CALHM3: variants seen among roughly 807,000 people sequenced by gnomAD.
The protein encoded by CALHM3 is calcium homeostasis modulator protein 3.
A neutral mutation model predicts 13.6 loss-of-function variants in CALHM3; 9 were observed. The ratio of observed to expected loss-of-function variants is 0.66; its 90% confidence interval spans 0.40 to 1.15. The LOEUF is 1.15. Ranked by LOEUF, CALHM3 falls within the 50% of genes most tolerant of loss-of-function variation. CALHM3 has a pLI of 0.01. For synonymous variants in CALHM3, 231 were observed against 213.2 expected, an observed-to-expected ratio of 1.08 and a Z score of -0.73; for missense variants, 497 against 463.4, an observed-to-expected ratio of 1.07 and a Z score of -0.67.
rs1032280257 is a variant in CALHM3 at position 103,473,577 on chromosome 10, T to G, written c.671A>C (p.Gln224Pro). 19 of 1,551,394 alleles carry G rather than the reference T, an allele frequency of 1.2e-5. No homozygotes were observed. Among genetic ancestry groups the G allele is most frequent in the Non-Finnish European group, 1.6e-5 (18 of 1,147,032 alleles). Reference protein sequence around the residue: ...RYWSNYVDLEQKLFDETCCEH... With the variant: ...RYWSNYVDLEPKLFDETCCEH... ...ACAGCAGGTCTCGTCGAAGAGCTTC[T>G]GCTCCAGGTCCACGTAGTTGCTCCA... Residue 224 changes from glutamine (Q) to proline (P), a missense_variant, in exon 3 of 3, where the codon CAG (glutamine) becomes CCG (proline). Transcript: ENST00000369783.
chr10:103,476,476 C>T lies in CALHM3; in HGVS notation c.361G>A (p.Gly121Arg), dbSNP rs776368667. The T allele has an allele frequency of 7.1e-6, 11 of 1,551,498 alleles. No individual in the cohort carries two copies. The East Asian group carries it at 7.3e-5, about 10-fold the overall frequency. Residue 121 changes from glycine to arginine, a missense_variant, in exon 2 of 3, where the codon GGG becomes AGG. Gly to Arg is a moderately radical substitution (Grantham distance 125). Coordinates refer to ENST00000369783, the MANE Select transcript of CALHM3 (RefSeq NM_001129742.2). ...CTGAAGGCACACACGAAGCACTTCCCGTCAAGGAGGGCCAGCAGGATCCAG... is the reference window on the plus strand; with the variant it reads ...CTGAAGGCACACACGAAGCACTTCCTGTCAAGGAGGGCCAGCAGGATCCAG... The part of the protein sequence containing the change: ...LVWILLALLD[G>R]KCFVCAFSSS...
Position 103,473,377 on chromosome 10 carries a change from C to A in CALHM3, c.871G>T (p.Ala291Ser), listed in dbSNP as rs1592162871. ...TCCACCTGCTCCCGGCTGGAGATTG[C>A]GCGCAGGTGGGCCTTCCCACTTCCA... ...DSGSGKAHLR[A>S]ISSREQVDRL... The change falls in exon 3 of 3, where the codon GCA becomes TCA. Residue 291 changes from alanine to serine, a missense_variant. Coordinates refer to ENST00000369783, the MANE Select transcript of CALHM3 (RefSeq NM_001129742.2). The A allele has an allele frequency of 6.7e-7, 1 of 1,496,240 alleles. No homozygotes were observed. Among genetic ancestry groups the A allele is most frequent in the East Asian group, 2.5e-5 (1 of 40,100 alleles). 92.7% of individuals were successfully genotyped at this position (1,496,240 alleles called of 1,614,324 possible).
At chr10:103,478,693 G>A (rs2033418798) in intron 1 of CALHM3, 53 bp downstream of exon 1, 7 of 1,460,282 alleles carry the variant, frequency 4.8e-6, no homozygotes, top group Middle Eastern at 2.5e-4. Flanking sequence ...CTGTGGGGTG[G>A]CTGGGGAGCC....
chr10:103,478,863 A>G lies in CALHM3; in HGVS notation c.170T>C (p.Leu57Pro). 7.1e-6 allele frequency: 11 copies of G among 1,551,736 alleles called. No individual in the cohort carries two copies. The highest frequency in any genetic ancestry group is 8.7e-6 in the Non-Finnish European group (10 of 1,147,006). The change falls in exon 1 of 3, where the codon CTG becomes CCG. Residue 57 changes from leucine to proline, a missense_variant. By Grantham distance (98) the Leu-to-Pro change is moderately conservative. Coordinates refer to ENST00000369783, the MANE Select transcript of CALHM3 (RefSeq NM_001129742.2). ...YNALYGLGLLLTPPLALFLCG... is the reference protein window; with the variant it reads ...YNALYGLGLLPTPPLALFLCG... ...GAGAAACAGGGCGAGCGGGGGCGTC[A>G]GCAGCAGGCCCAGGCCGTAGAGTGC... is the stretch of plus-strand genomic sequence containing the variant.
Position 103,473,240 on chromosome 10 carries a change from C to G in CALHM3, c.1008G>C (p.Thr336=), listed in dbSNP as rs1307200969. ...SHRAPTLALG[T]RLSQHTDV is the part of the protein sequence containing the mutation. ...ACACGTCGGTGTGTTGTGACAGCCT[C>G]GTGCCCAGTGCCAAGGTAGGGGCGC... is the stretch of plus-strand genomic sequence containing the variant. The change falls in exon 3 of 3, where the codon ACG becomes ACC. Residue 336 remains threonine, a synonymous_variant. Coordinates refer to ENST00000369783, the MANE Select transcript of CALHM3 (RefSeq NM_001129742.2). 4 of 1,441,060 alleles carry G rather than the reference C, an allele frequency of 2.8e-6. No homozygotes were observed. The highest frequency in any genetic ancestry group is 9.1e-7 in the Non-Finnish European group (1 of 1,094,288). 89.3% of individuals were successfully genotyped at this position (1,441,060 alleles called of 1,614,324 possible). A position where few individuals can be genotyped will look rare whatever the true frequency, so the allele number is the denominator to read the frequency against.
intron 1 of CALHM3, among the ~76,000 whole-genome samples, chr10:103,477,318 C>T (rs1010207177): frequency 1.3e-5 from 2 of 152,178 alleles, no homozygotes; most frequent in Admixed American, 6.5e-5. Context: ...CCCAGTGGAG[C>T]TGTGCCCACT....
intron 2 of CALHM3, among the ~76,000 whole-genome samples, chr10:103,474,912 A>T (rs1264852749): frequency 6.6e-6 from 1 of 152,208 alleles, no homozygotes; most frequent in Admixed American, 6.5e-5. Flanking sequence ...TTAGTGAAGG[A>T]AATAGATGAT....
At chr10:103,475,844 T>G (rs1443598927) in intron 2 of CALHM3, among the ~76,000 whole-genome samples, 2 of 152,100 alleles carry the variant, frequency 1.3e-5, no homozygotes, top group Non-Finnish European at 1.5e-5. Context: ...GTTGGTGCCT[T>G]TTGGGAAGAT....
chr10:103,474,626 T>G (rs1033566806), intron 2 of CALHM3, among the ~76,000 whole-genome samples: 1 of 152,100 alleles, frequency 6.6e-6, no homozygotes, highest in Non-Finnish European at 1.5e-5. Flanking sequence ...AACAAATTTT[T>G]GTATTTTTAG....
Position 103,476,477 on chromosome 10 carries a change from G to T in CALHM3, c.360C>A (p.Asp120Glu). 1 of 1,551,620 alleles carries T rather than the reference G, an allele frequency of 6.4e-7. No individual in the cohort carries two copies. The highest frequency in any genetic ancestry group is 8.7e-7 in the Non-Finnish European group (1 of 1,146,962). ...TGAAGGCACACACGAAGCACTTCCC[G>T]TCAAGGAGGGCCAGCAGGATCCAGA... ...PLVWILLALL[D>E]GKCFVCAFSS... is the part of the protein sequence containing the mutation. Residue 120 changes from aspartate (D) to glutamate (E), a missense_variant, in exon 2 of 3, where the codon GAC becomes GAA. Coordinates refer to ENST00000369783, the MANE Select transcript of CALHM3 (RefSeq NM_001129742.2).
At chr10:103,476,255 G>T (rs1402393747) in intron 2 of CALHM3, 39 bp downstream of exon 2, 2 of 1,547,942 alleles carry the variant, frequency 1.3e-6, no homozygotes, top group Non-Finnish European at 1.7e-6. Flanking sequence ...CGGGGGATTT[G>T]TGAGGGTGCA....
In CALHM3 at chr10:103,473,372, G is replaced by T; in HGVS notation, c.876C>A (p.Ile292=). 6.7e-7 allele frequency: 1 copy of T among 1,498,656 alleles called. No individual in the cohort carries two copies. The highest frequency in any genetic ancestry group is 8.9e-7 in the Non-Finnish European group (1 of 1,118,664). 92.8% of individuals were successfully genotyped at this position (1,498,656 alleles called of 1,614,324 possible). Residue 292 remains isoleucine, a synonymous_variant, in exon 3 of 3, where the codon ATC becomes ATA. Coordinates refer to ENST00000369783, the MANE Select transcript of CALHM3 (RefSeq NM_001129742.2). ...SGSGKAHLRA[I]SSREQVDRLL... The stretch of plus-strand genomic sequence containing the variant: ...GGCGGTCCACCTGCTCCCGGCTGGA[G>T]ATTGCGCGCAGGTGGGCCTTCCCAC...
chr10:103,473,342 T>G lies in CALHM3; in HGVS notation c.906A>C (p.Leu302=), dbSNP rs1392326957. The G allele has an allele frequency of 2.0e-6, 3 of 1,505,308 alleles. No homozygotes were observed. The highest frequency in any genetic ancestry group is 2.5e-5 in the East Asian group (1 of 40,346). 93.2% of individuals were successfully genotyped at this position (1,505,308 alleles called of 1,614,324 possible). Residue 302 remains leucine, a synonymous_variant, in exon 3 of 3, where the codon CTA becomes CTC. Coordinates refer to ENST00000369783, the MANE Select transcript of CALHM3 (RefSeq NM_001129742.2). ...ISSREQVDRL[L]STWYSSKPPL... Reference sequence around the variant, plus strand: ...GCGGCTTGCTGGAGTACCACGTGCTTAGGAGGCGGTCCACCTGCTCCCGGC... The same window carrying G: ...GCGGCTTGCTGGAGTACCACGTGCTGAGGAGGCGGTCCACCTGCTCCCGGC...
intron 2 of CALHM3, among the ~76,000 whole-genome samples, chr10:103,474,938 T>C (rs757141943): frequency 2.0e-4 from 30 of 152,220 alleles, no homozygotes; most frequent in Non-Finnish European, 3.5e-4. Flanking sequence ...AGGTGATGAC[T>C]GGGTACTTGT....
intron 1 of CALHM3, among the ~76,000 whole-genome samples, chr10:103,478,093 T>C (rs895481559): frequency 2.6e-5 from 4 of 152,148 alleles, no homozygotes; most frequent in African/African-American, 4.8e-5. Context: ...ATCATAAGAC[T>C]CCCTTCTAGA....
rs1226197306 is a variant in CALHM3 at position 103,476,503 on chromosome 10, C to G, written c.334G>C (p.Val112Leu). ...VLQRALAAPL[V>L]WILLALLDGK... is the part of the protein sequence containing the mutation. ...TCAAGGAGGGCCAGCAGGATCCAGA[C>G]CAGGGGGGCGGCCAGCGCCCTCTGC... The change falls in exon 2 of 3, where the codon GTC becomes CTC. Residue 112 changes from valine to leucine, a missense_variant. By Grantham distance (32) the Val-to-Leu change is conservative (BLOSUM62 1). Coordinates refer to ENST00000369783, the MANE Select transcript of CALHM3 (RefSeq NM_001129742.2). The G allele has an allele frequency of 1.9e-5, 29 of 1,551,500 alleles. No homozygotes were observed. The highest frequency in any genetic ancestry group is 2.4e-5 in the East Asian group (1 of 40,930).
At chr10:103,477,870 G>T (rs2033408655) in intron 1 of CALHM3, among the ~76,000 whole-genome samples, 2 of 151,828 alleles carry the variant, frequency 1.3e-5, no homozygotes, top group South Asian at 4.2e-4. Context: ...ACCGCGCCTG[G>T]CCCCCCCACC....
At chr10:103,474,343 C>G (rs2033363890) in intron 2 of CALHM3, among the ~76,000 whole-genome samples, 2 of 152,194 alleles carry the variant, frequency 1.3e-5, no homozygotes, top group African/African-American at 4.8e-5. Flanking sequence ...ATCTATCCAT[C>G]TCTTCTCCCA....
Position 103,476,662 on chromosome 10 carries a change from C to T in CALHM3, c.288-113G>A, listed in dbSNP as rs965340138. On this transcript the variant is annotated intron_variant, in intron 1 of 2. Transcript: ENST00000369783. ...CAGGCTGGGTTACATCAGACTGCAG[C>T]TCCCAGTGTAGAGGTCCCAGTGACA... 3.8e-6 allele frequency: 5 copies of T among 1,306,322 alleles called. No individual in the cohort carries two copies. In the African/African-American group the frequency reaches 4.4e-5, roughly 11 times the overall value. 80.9% of individuals were successfully genotyped at this position (1,306,322 alleles called of 1,614,324 possible).
Sources: gnomAD v4.1 joint callset for allele counts (sites outside exome capture counted in the v4.1 genomes callset) on GRCh38, gnomAD v4.1.1 for gene constraint, MANE v1.5 for transcripts, NCBI Gene and HGNC (gene_info 2026-07-23, HGNC 2026-07-21) for gene names.